NR2F1-AS1: variants seen among roughly 807,000 people sequenced by gnomAD.
NR2F1-AS1 encodes NR2F1 antisense RNA 1.
chr5:93,551,684 C>T (rs1396099893), intron 4 of NR2F1-AS1, among the ~76,000 whole-genome samples: 1 of 151,980 alleles, frequency 6.6e-6, no homozygotes, highest in African/African-American at 2.4e-5. Flanking sequence ...GGTCCTTTTC[C>T]AACTTTAGAC....
chr5:93,440,007 C>T (rs982597955), intron 4 of NR2F1-AS1, among the ~76,000 whole-genome samples: 6 of 152,152 alleles, frequency 3.9e-5, no homozygotes, highest in African/African-American at 1.4e-4. Flanking sequence ...ACATAATAGA[C>T]ACCCAATCAG....
At chr5:93,480,869 T>C (rs1750585857) in intron 4 of NR2F1-AS1, among the ~76,000 whole-genome samples, 1 of 151,848 alleles carries the variant, frequency 6.6e-6, no homozygotes, top group African/African-American at 2.4e-5. Flanking sequence ...TAATTTAAAA[T>C]ATATTGAAAA....
Position 93,410,276 on chromosome 5 carries a change from C to CT in NR2F1-AS1, n.639-14735dup, listed in dbSNP as rs1490392933. On this transcript the variant is annotated intron_variant and non_coding_transcript_variant, in intron 4 of 5. Transcript: ENST00000660523. ...TCCATCCCTATCCTATCTTGGGTCT[C>CT]TGAGTACCATCACCCACGTTTGATC... The CT allele has an allele frequency of 2.0e-5, 3 of 152,322 alleles. No individual in the cohort carries two copies. In the East Asian group the frequency reaches 5.8e-4, roughly 29 times the overall value. 9.4% of individuals were successfully genotyped at this position (152,322 alleles called of 1,614,324 possible).
intron 4 of NR2F1-AS1, among the ~76,000 whole-genome samples, chr5:93,549,384 G>C (rs1366543102): frequency 6.6e-6 from 1 of 151,944 alleles, no homozygotes; most frequent in African/African-American, 2.4e-5. Flanking sequence ...ATTCACAAAG[G>C]AAAACAAAGA....
chr5:93,565,029 ATTCTCT>A, intron 1 of NR2F1-AS1, among the ~76,000 whole-genome samples: 1 of 152,096 alleles, frequency 6.6e-6, no homozygotes, highest in African/African-American at 2.4e-5. Flanking sequence ...CTGTTTCTCT[ATTCTCT>A]CTCCTCACTC....
At chr5:93,531,809 T>C (rs1751742041) in intron 4 of NR2F1-AS1, among the ~76,000 whole-genome samples, 1 of 152,156 alleles carries the variant, frequency 6.6e-6, no homozygotes, top group East Asian at 1.9e-4. Flanking sequence ...TAAGGCAGAC[T>C]AACACAATAA....
chr5:93,461,791 G>A (rs913103147), intron 4 of NR2F1-AS1, among the ~76,000 whole-genome samples: 3 of 152,018 alleles, frequency 2.0e-5, no homozygotes, highest in South Asian at 2.1e-4. Context: ...ACTACTTAAC[G>A]GACTATAGAA....
At chr5:93,543,044 C>CTGA (rs1220945900) in intron 4 of NR2F1-AS1, 1 of 152,244 alleles carries the variant, frequency 6.6e-6, no homozygotes, top group Non-Finnish European at 1.5e-5. Context: ...TTAGGATTTA[C>CTGA]TGACCAGGTT....
chr5:93,469,205 T>C (rs1243338928), intron 4 of NR2F1-AS1, among the ~76,000 whole-genome samples: 3 of 152,144 alleles, frequency 2.0e-5, no homozygotes, highest in African/African-American at 7.2e-5. Context: ...TGGGGTGTAC[T>C]TACACAAACC....
intron 1 of NR2F1-AS1, among the ~76,000 whole-genome samples, chr5:93,574,544 G>A (rs761574706): frequency 6.6e-6 from 1 of 152,076 alleles, no homozygotes; most frequent in African/African-American, 2.4e-5. Flanking sequence ...CTGGGGGAGT[G>A]GGGGACAGGT....
chr5:93,442,606 C>T (rs912777389), intron 4 of NR2F1-AS1, among the ~76,000 whole-genome samples: 1 of 152,220 alleles, frequency 6.6e-6, no homozygotes, highest in Non-Finnish European at 1.5e-5. Flanking sequence ...TAGACTCCAC[C>T]TCTGGGGGTA....
chr5:93,450,097 T>C (rs1749796026), intron 4 of NR2F1-AS1, among the ~76,000 whole-genome samples: 1 of 152,210 alleles, frequency 6.6e-6, no homozygotes, highest in African/African-American at 2.4e-5. Context: ...TGAATGTTCA[T>C]TTTCTAACTC....
At chr5:93,522,182 C>A (rs912429473) in intron 4 of NR2F1-AS1, among the ~76,000 whole-genome samples, 4 of 151,986 alleles carry the variant, frequency 2.6e-5, no homozygotes, top group African/African-American at 9.7e-5. Context: ...AAGAAGGGAA[C>A]AATAGACACT....
intron 1 of NR2F1-AS1, among the ~76,000 whole-genome samples, chr5:93,577,766 G>C (rs561633603): frequency 2.6e-5 from 4 of 152,206 alleles, no homozygotes; most frequent in Non-Finnish European, 5.9e-5. Flanking sequence ...CAAGATCAGA[G>C]GCACTGACCT....
intron 4 of NR2F1-AS1, among the ~76,000 whole-genome samples, chr5:93,484,615 T>C (rs957144549): frequency 6.6e-6 from 1 of 152,070 alleles, no homozygotes; most frequent in Non-Finnish European, 1.5e-5. Flanking sequence ...TAACCTTATA[T>C]GTAAGCAGAC....
chr5:93,443,419 C>T (rs561923107), intron 4 of NR2F1-AS1, among the ~76,000 whole-genome samples: 2 of 151,898 alleles, frequency 1.3e-5, no homozygotes, highest in Middle Eastern at 3.4e-3. Flanking sequence ...CTTCTGTAGC[C>T]GATTCGTTCA....
chr5:93,547,905 G>A (rs533948374), intron 4 of NR2F1-AS1, among the ~76,000 whole-genome samples: 2 of 152,260 alleles, frequency 1.3e-5, no homozygotes, highest in African/African-American at 4.8e-5. Flanking sequence ...TGTAATGTGA[G>A]ACACTTGGAC....
chr5:93,455,523 G>A (rs920762550), intron 4 of NR2F1-AS1, among the ~76,000 whole-genome samples: 10 of 151,976 alleles, frequency 6.6e-5, no homozygotes, highest in South Asian at 4.2e-4. Flanking sequence ...CTGCCAGATC[G>A]GATTTAAAAT....
rs1007735175 is a variant in NR2F1-AS1, at chr5:93,568,818, C to A, written n.314-5355G>T. ...ACTGATGAACTGTCAGCAATTTAATCCAGTGAAATCTTACACAGAAATGTT... is the reference window on the plus strand; with the variant it reads ...ACTGATGAACTGTCAGCAATTTAATACAGTGAAATCTTACACAGAAATGTT... On this transcript the variant is annotated intron_variant and non_coding_transcript_variant, in intron 1 of 5. Transcript: ENST00000660523. 2.6e-5 allele frequency among the ~76,000 whole-genome samples: 4 copies of A among 152,070 alleles called. No individual in the cohort carries two copies. In the East Asian group the frequency reaches 7.7e-4, roughly 29 times the overall value.
Sources: allele counts gnomAD v4.1 joint callset (sites outside exome capture counted in the v4.1 genomes callset), GRCh38; gene constraint gnomAD v4.1.1; transcripts MANE v1.5; gene names NCBI Gene and HGNC (gene_info 2026-07-23, HGNC 2026-07-21).